ARHGAP26: variants seen among roughly 807,000 people sequenced by gnomAD.
The protein encoded by ARHGAP26 is Rho GTPase activating protein 26.
Under a neutral mutation model 104.8 loss-of-function variants are expected in ARHGAP26, and 38 were observed. That is an observed-to-expected ratio of 0.36 (90% CI 0.28 to 0.48). The LOEUF is 0.48. Ranked by LOEUF, ARHGAP26 falls within the 20% of genes least tolerant of loss-of-function variation. ARHGAP26 has a pLI of 0.99. For missense variants in ARHGAP26, 704 were observed against 947.9 expected (o/e 0.74, Z 3.38); for synonymous variants, 341 against 340.0 (o/e 1.00, Z -0.03).
At chr5:142,839,448 CAGT>C (rs1057026230) in intron 1 of ARHGAP26, among the ~76,000 whole-genome samples, 1 of 152,034 alleles carries the variant, frequency 6.6e-6, no homozygotes, top group Non-Finnish European at 1.5e-5. Context: ...ATCCAGCTAA[CAGT>C]TGACAGAGAC....
chr5:142,893,753 A>G (rs1249008805), intron 5 of ARHGAP26, among the ~76,000 whole-genome samples: 2 of 152,148 alleles, frequency 1.3e-5, no homozygotes, highest in Non-Finnish European at 2.9e-5. Flanking sequence ...AGCATTTGCT[A>G]TTTTTAATCT....
chr5:142,918,399 G>A (rs967039619), intron 10 of ARHGAP26, among the ~76,000 whole-genome samples: 6 of 152,144 alleles, frequency 3.9e-5, no homozygotes, highest in Non-Finnish European at 5.9e-5. Flanking sequence ...CGCCTGCCTC[G>A]GCCTCCCGAA....
At chr5:142,798,944 G>A (rs1043412020) in intron 1 of ARHGAP26, among the ~76,000 whole-genome samples, 1 of 152,200 alleles carries the variant, frequency 6.6e-6, no homozygotes, top group Non-Finnish European at 1.5e-5. Context: ...TGGCATTTGA[G>A]TGGTAACCTT....
chr5:142,974,648 A>G (rs899694821), intron 11 of ARHGAP26, among the ~76,000 whole-genome samples: 1 of 152,208 alleles, frequency 6.6e-6, no homozygotes, highest in Admixed American at 6.5e-5. Context: ...TCCACATTCA[A>G]GCCTTCTGAC....
At position 143,182,418 on chromosome 5, in the gene ARHGAP26, A is replaced by T. The variant is rs1004593664; in HGVS notation, c.1989-24780A>T. ...TTTCACTCGTTTGTCTCTCCTCATG[A>T]CACTAAGCTCCATGAGAGTAAGGCC... is the stretch of plus-strand genomic sequence containing the variant. On this transcript the variant is annotated intron_variant, in intron 20 of 22. Transcript: ENST00000645722. Among the ~76,000 whole-genome samples the T allele has an allele frequency of 1.1e-4, 16 of 152,196 alleles. 1 individual carries two copies. Among genetic ancestry groups the T allele is most frequent in the Admixed American group, 1.0e-3 (16 of 15,276 alleles).
intron 12 of ARHGAP26, among the ~76,000 whole-genome samples, chr5:143,029,998 G>C (rs958539403): frequency 1.5e-4 from 23 of 152,116 alleles, no homozygotes; most frequent in Non-Finnish European, 2.9e-5. Flanking sequence ...GGGTCGTTTG[G>C]GGGCATGTCC....
At chr5:142,849,541 T>C (rs1169337542) in intron 1 of ARHGAP26, among the ~76,000 whole-genome samples, 1 of 152,180 alleles carries the variant, frequency 6.6e-6, no homozygotes, top group Non-Finnish European at 1.5e-5. Context: ...GTCCCTTCCT[T>C]GCTCACCTTC....
chr5:142,987,635 T>C (rs1774964499), intron 11 of ARHGAP26, among the ~76,000 whole-genome samples: 1 of 152,224 alleles, frequency 6.6e-6, no homozygotes, highest in African/African-American at 2.4e-5. Context: ...TGTGGGTTTG[T>C]CATAAATAGC....
At chr5:143,118,916 G>C (rs1364011860) in intron 17 of ARHGAP26, among the ~76,000 whole-genome samples, 4 of 150,276 alleles carry the variant, frequency 2.7e-5, no homozygotes, top group African/African-American at 9.8e-5. Context: ...TTGTGCACAT[G>C]TACCCTAAAA....
At position 143,228,104 on chromosome 5, in the gene ARHGAP26, C is replaced by T. The variant is rs1811802844; in HGVS notation, c.*5658C>T. 3 of 223,946 alleles carry T rather than the reference C, an allele frequency of 1.3e-5. No homozygotes were observed. The highest frequency in any genetic ancestry group is 2.2e-5 in the African/African-American group (1 of 44,832). 13.9% of individuals were successfully genotyped at this position (223,946 alleles called of 1,614,324 possible). On this transcript the variant is annotated 3_prime_UTR_variant, in exon 23 of 23. Coordinates refer to ENST00000645722, the MANE Select transcript of ARHGAP26 (RefSeq NM_001135608.3). ...TGGAGCAGTCCTGGAGAGGTTAAGA[C>T]ATTCTATACTGTTCTACGTCAACCA...
At chr5:143,045,779 C>T (rs545846298) in intron 14 of ARHGAP26, among the ~76,000 whole-genome samples, 2 of 152,236 alleles carry the variant, frequency 1.3e-5, no homozygotes, top group East Asian at 1.9e-4. Context: ...AGGTGGATCA[C>T]CTGAGGTCAG....
intron 11 of ARHGAP26, among the ~76,000 whole-genome samples, chr5:142,967,188 A>G (rs1428315721): frequency 1.3e-5 from 2 of 152,206 alleles, no homozygotes; most frequent in African/African-American, 2.4e-5. Flanking sequence ...GATTCAGGGC[A>G]GGGAAAACAG....
At chr5:143,067,069 A>G (rs1009084623) in intron 17 of ARHGAP26, among the ~76,000 whole-genome samples, 17 of 151,424 alleles carry the variant, frequency 1.1e-4, no homozygotes, top group Non-Finnish European at 2.4e-4. Flanking sequence ...TTGGTGTCGC[A>G]AGGCTGATTT....
intron 11 of ARHGAP26, among the ~76,000 whole-genome samples, chr5:142,936,274 A>G (rs1765409652): frequency 1.3e-5 from 2 of 152,192 alleles, no homozygotes; most frequent in Non-Finnish European, 2.9e-5. Flanking sequence ...GTGTAACACC[A>G]TTGATAGTCA....
chr5:143,072,239 A>C (rs891606579), intron 17 of ARHGAP26, among the ~76,000 whole-genome samples: 1 of 152,244 alleles, frequency 6.6e-6, no homozygotes, highest in Non-Finnish European at 1.5e-5. Context: ...GACTATTATC[A>C]GAAAGGCAAA....
rs549359720 is a variant in ARHGAP26 at position 143,124,952 on chromosome 5, G to A, written c.1698+3805G>A. Among the ~76,000 whole-genome samples the A allele has an allele frequency of 3.3e-5, 5 of 152,294 alleles. No homozygotes were observed. The South Asian group carries it at 6.2e-4, about 19-fold the overall frequency. On this transcript the variant is annotated intron_variant, in intron 18 of 22. Transcript: ENST00000645722. ...GTGTTTTTATGGAGAGTGCTTTTCCGCCTCCTCTCTGCATTGCCATTTTTT... is the reference window on the plus strand; with the variant it reads ...GTGTTTTTATGGAGAGTGCTTTTCCACCTCCTCTCTGCATTGCCATTTTTT...
chr5:142,977,723 A>C (rs532650161), intron 11 of ARHGAP26, among the ~76,000 whole-genome samples: 13 of 152,322 alleles, frequency 8.5e-5, no homozygotes, highest in African/African-American at 3.1e-4. Context: ...GAGGAAGCAA[A>C]AACATTTCAC....
intron 11 of ARHGAP26, among the ~76,000 whole-genome samples, chr5:142,976,482 A>G (rs1248355918): frequency 1.3e-5 from 2 of 152,204 alleles, no homozygotes; most frequent in Non-Finnish European, 2.9e-5. Flanking sequence ...ATGCTAGGAC[A>G]TTTGACCCAA....
At chr5:143,220,004 T>C (rs1810923285) in intron 22 of ARHGAP26, among the ~76,000 whole-genome samples, 1 of 152,154 alleles carries the variant, frequency 6.6e-6, no homozygotes, top group Non-Finnish European at 1.5e-5. Flanking sequence ...CCCCTCTAAT[T>C]CTTCCCTTAG....
Sources: allele counts gnomAD v4.1 joint callset (sites outside exome capture counted in the v4.1 genomes callset), GRCh38; gene constraint gnomAD v4.1.1; transcripts MANE v1.5; gene names NCBI Gene and HGNC (gene_info 2026-07-23, HGNC 2026-07-21).